The following MCPH1 variants were observed in gnomAD, a reference collection of about 807,000 sequenced individuals.
The protein encoded by MCPH1 is microcephalin 1.
In MCPH1, 104 loss-of-function variants were observed where a neutral mutation model predicts 84.5. The ratio of observed to expected loss-of-function variants is 1.23; its 90% CI spans 1.05 to 1.45. The LOEUF is 1.45. Among genes scored for constraint, MCPH1 ranks in the 40% most tolerant of loss-of-function variants. MCPH1 has a pLI of 0.00. For synonymous variants in MCPH1, 514 were observed against 366.8 expected, an observed-to-expected ratio of 1.40 and a Z score of -4.58; for missense variants, 1,498 against 1,005.7, an observed-to-expected ratio of 1.49 and a Z score of -6.62.
At chr8:6,449,269 T>G (rs1476127929) in intron 8 of MCPH1, among the ~76,000 whole-genome samples, 1 of 152,218 alleles carries the variant, frequency 6.6e-6, no homozygotes, top group Non-Finnish European at 1.5e-5. Context: ...TGTCCTTATA[T>G]TGCAGATTCA....
intron 11 of MCPH1, among the ~76,000 whole-genome samples, chr8:6,484,614 C>G (rs1809635192): frequency 6.6e-6 from 1 of 152,230 alleles, no homozygotes; most frequent in Admixed American, 6.5e-5. Flanking sequence ...GACCTGGAAA[C>G]AGCACAGCTG....
intron 12 of MCPH1, among the ~76,000 whole-genome samples, chr8:6,549,650 C>T (rs866165945): frequency 2.1e-5 from 3 of 143,280 alleles, no homozygotes; most frequent in African/African-American, 8.0e-5. Flanking sequence ...CAAAGAGGGG[C>T]GTGAGGGAGC....
At chr8:6,621,285 A>T (rs1216374507) in intron 12 of MCPH1, 169 bp from the exon 13 acceptor site, 1 of 828,960 alleles carries the variant, frequency 1.2e-6, no homozygotes, top group Non-Finnish European at 1.9e-6. Flanking sequence ...TATGTCATTA[A>T]TGTCATCATC....
chr8:6,526,067 C>G (rs1393727399), intron 12 of MCPH1, among the ~76,000 whole-genome samples: 1 of 151,950 alleles, frequency 6.6e-6, no homozygotes, highest in Non-Finnish European at 1.5e-5. Flanking sequence ...TCTCCAGCTC[C>G]CATGTGTTCC....
rs1003309006 is a variant in MCPH1, at chr8:6,504,196, T to C, written c.2214+4267T>C. Reference sequence around the variant, plus strand: ...AGCCGGGCGTGGTGGCGGACGCCTGTAGTCCCAGCTACTCGGGAGGCTGAG... The same window carrying C: ...AGCCGGGCGTGGTGGCGGACGCCTGCAGTCCCAGCTACTCGGGAGGCTGAG... On this transcript the variant is annotated intron_variant, in intron 12 of 13. Transcript: ENST00000344683. Among the ~76,000 whole-genome samples, 10 of 150,878 alleles carry C rather than the reference T, an allele frequency of 6.6e-5. No homozygotes were observed. The Admixed American group carries it at 6.7e-4, about 10-fold the overall frequency.
chr8:6,639,806 C>A (rs1199084983), intron 13 of MCPH1, among the ~76,000 whole-genome samples: 1 of 152,114 alleles, frequency 6.6e-6, no homozygotes, highest in Non-Finnish European at 1.5e-5. Flanking sequence ...AAGATCCTTC[C>A]AGCTTAACAC....
intron 12 of MCPH1, chr8:6,519,789 T>C (rs1586312878): frequency 1.9e-6 from 3 of 1,539,558 alleles, no homozygotes; most frequent in Non-Finnish European, 2.7e-6. Context: ...GAGAGACTTC[T>C]GCTCTCTGGT....
chr8:6,505,290 TATAC>T (rs1392249428), intron 12 of MCPH1, among the ~76,000 whole-genome samples: 4 of 59,410 alleles, frequency 6.7e-5, no homozygotes, highest in East Asian at 7.3e-4. Flanking sequence ...ATATATGTTA[TATAC>T]ATATATATGT....
rs139380593 is a variant in MCPH1 at position 6,553,557 on chromosome 8, G to A, written c.2214+53628G>A. 4.3e-3 allele frequency among the ~76,000 whole-genome samples: 661 copies of A among 152,196 alleles called. 12 individuals are homozygous for A. The highest frequency in any genetic ancestry group is 0.015 in the African/African-American group (606 of 41,508). The stretch of plus-strand genomic sequence containing the variant: ...GATACCTCTTATTTTGGTATAGAAC[G>A]CCTTTATTCAAACAACGGGAGAACA... On this transcript the variant is annotated intron_variant, in intron 12 of 13. Transcript: ENST00000344683.
intron 11 of MCPH1, 138 bp downstream of exon 11, chr8:6,481,014 C>A: frequency 9.4e-7 from 1 of 1,060,518 alleles, no homozygotes; most frequent in Non-Finnish European, 1.4e-6. Flanking sequence ...TGGGAACACC[C>A]GTCTTTCCTC....
At chr8:6,525,343 C>T (rs1167962790) in intron 12 of MCPH1, among the ~76,000 whole-genome samples, 1 of 152,166 alleles carries the variant, frequency 6.6e-6, no homozygotes, top group Non-Finnish European at 1.5e-5. Flanking sequence ...GATCCACCTG[C>T]CTCAGCCATC....
At chr8:6,541,458 A>T (rs952414383) in intron 12 of MCPH1, among the ~76,000 whole-genome samples, 2 of 152,102 alleles carry the variant, frequency 1.3e-5, no homozygotes, top group Non-Finnish European at 2.9e-5. Context: ...TTTCTAGTAG[A>T]TTGGGGCAGG....
chr8:6,611,543 C>A (rs1830264934), intron 12 of MCPH1, among the ~76,000 whole-genome samples: 1 of 152,236 alleles, frequency 6.6e-6, no homozygotes, highest in Admixed American at 6.5e-5. Context: ...AGCTGCCATG[C>A]CCTCTCAGGG....
At chr8:6,466,322 T>TG (rs1254142317) in intron 9 of MCPH1, among the ~76,000 whole-genome samples, 3 of 148,782 alleles carry the variant, frequency 2.0e-5, no homozygotes, top group Non-Finnish European at 4.5e-5. Flanking sequence ...TTTTTTGAGA[T>TG]GGAGTCTTGG....
intron 3 of MCPH1, among the ~76,000 whole-genome samples, chr8:6,415,203 C>T (rs533824261): frequency 1.2e-4 from 19 of 152,018 alleles, no homozygotes; most frequent in Middle Eastern, 3.4e-3. Context: ...CAAAGGACCA[C>T]AGAATGGGTC....
In MCPH1 at chr8:6,555,809, A is replaced by G. The variant is rs922209746; in HGVS notation, c.2214+55880A>G. On this transcript the variant is annotated intron_variant, in intron 12 of 13. Coordinates refer to ENST00000344683, the MANE Select transcript of MCPH1 (RefSeq NM_024596.5). ...TCTGAACGATTAAATAGTTGTACCA[A>G]TTATACCAATTGCACCAATTCTATT... is the stretch of plus-strand genomic sequence containing the variant. Among the ~76,000 whole-genome samples, 3 of 152,188 alleles carry G rather than the reference A, an allele frequency of 2.0e-5. No individual in the cohort carries two copies. The East Asian group carries it at 5.8e-4, about 29-fold the overall frequency.
chr8:6,516,288 G>A (rs189874275), intron 12 of MCPH1, among the ~76,000 whole-genome samples: 1 of 152,288 alleles, frequency 6.6e-6, no homozygotes, highest in African/African-American at 2.4e-5. Flanking sequence ...GATACTTTGT[G>A]TATATTATCT....
At chr8:6,435,482 G>A (rs1206563018) in intron 4 of MCPH1, among the ~76,000 whole-genome samples, 1 of 152,136 alleles carries the variant, frequency 6.6e-6, no homozygotes, top group Non-Finnish European at 1.5e-5. Context: ...GATGCTGGGA[G>A]GTGTCATCTG....
intron 1 of MCPH1, among the ~76,000 whole-genome samples, chr8:6,407,847 C>T (rs1365015468): frequency 2.6e-5 from 4 of 152,146 alleles, no homozygotes; most frequent in East Asian, 1.9e-4. Context: ...TAAGGGTCTA[C>T]GAGCTAAGAA....
Sources: allele counts gnomAD v4.1 joint callset (sites outside exome capture counted in the v4.1 genomes callset), GRCh38; gene constraint gnomAD v4.1.1; transcripts MANE v1.5; gene names NCBI Gene and HGNC (gene_info 2026-07-23, HGNC 2026-07-21).